Variants in SCAPER observed in about 807,000 individuals in gnomAD.
SCAPER encodes the protein S-phase cyclin A associated protein in the ER.
SCAPER carries 98 observed loss-of-function variants against 182.2 expected under a neutral mutation model. That is an observed-to-expected ratio of 0.54 (90% CI 0.46 to 0.64). SCAPER has a LOEUF of 0.64. SCAPER is among the 30% of genes least tolerant of loss of function. The probability of loss-of-function intolerance (pLI) is 0.00; values close to 1 mark genes in which losing one functional copy is unlikely to be tolerated. For missense variants in SCAPER, 1,432 were observed against 1,690.0 expected (o/e 0.85, Z 2.68); for synonymous variants, 605 against 564.6 (o/e 1.07, Z -1.01).
chr15:76,708,154 A>G (rs1489856505), intron 17 of SCAPER, among the ~76,000 whole-genome samples: 1 of 152,172 alleles, frequency 6.6e-6, no homozygotes, highest in Non-Finnish European at 1.5e-5. Context: ...ACATTCTCCC[A>G]TATATTTTAA....
At chr15:76,551,075 T>A (rs2045729029) in intron 23 of SCAPER, among the ~76,000 whole-genome samples, 1 of 152,096 alleles carries the variant, frequency 6.6e-6, no homozygotes, top group Non-Finnish European at 1.5e-5. Context: ...CTAACAGAGA[T>A]GTAGAGAAAT....
At position 76,436,939 on chromosome 15, in the gene SCAPER, C is replaced by T. The variant is rs137909053; in HGVS notation, c.3079-2629G>A. Among the ~76,000 whole-genome samples, 5 of 152,268 alleles carry T rather than the reference C, an allele frequency of 3.3e-5. No individual in the cohort carries two copies. In the East Asian group the frequency reaches 5.8e-4, roughly 18 times the overall value. On this transcript the variant is annotated intron_variant, in intron 25 of 31. Transcript: ENST00000563290. Reference sequence around the variant, plus strand: ...ACACAGAATGAAATCATATATCCTCCGCAAACCTGGAGTGTATAACATGGT... The same window carrying T: ...ACACAGAATGAAATCATATATCCTCTGCAAACCTGGAGTGTATAACATGGT...
rs113603668 is a variant in SCAPER at position 76,694,489 on chromosome 15, C to T, written c.2508+7269G>A. Among the ~76,000 whole-genome samples the T allele has an allele frequency of 1.5e-3, 230 of 151,970 alleles. 2 individuals are homozygous for T. The highest frequency in any genetic ancestry group is 4.9e-3 in the African/African-American group (203 of 41,478). ...TTATGTTGTGTACATTGAATGTGTA[C>T]AATTGAATATACACAATTTCTGTAA... On this transcript the variant is annotated intron_variant, in intron 20 of 31. Coordinates refer to ENST00000563290, the MANE Select transcript of SCAPER (RefSeq NM_020843.4).
intron 26 of SCAPER, among the ~76,000 whole-genome samples, chr15:76,428,366 G>T (rs1408987427): frequency 1.3e-5 from 2 of 152,158 alleles, no homozygotes; most frequent in African/African-American, 4.8e-5. Flanking sequence ...GTGTTCTTCA[G>T]TGGATTAAGG....
chr15:76,904,418 G>A (rs1386132428), intron 1 of SCAPER, among the ~76,000 whole-genome samples: 1 of 152,170 alleles, frequency 6.6e-6, no homozygotes, highest in Non-Finnish European at 1.5e-5. Context: ...TTAATGAATA[G>A]CTATTTTCAT....
chr15:76,780,871 C>T (rs2064080281), intron 8 of SCAPER, among the ~76,000 whole-genome samples: 1 of 152,154 alleles, frequency 6.6e-6, no homozygotes, highest in Admixed American at 6.5e-5. Context: ...CACCAAAACC[C>T]CATCTGTAGG....
intron 26 of SCAPER, among the ~76,000 whole-genome samples, chr15:76,427,733 GAC>G (rs2046537371): frequency 6.6e-6 from 1 of 152,044 alleles, no homozygotes. Context: ...AGGAGTTCTA[GAC>G]CAGCCTGGCC....
rs150204371 is a variant in SCAPER, at chr15:76,613,578, C to T, written c.2711+8186G>A. Among the ~76,000 whole-genome samples, 361 of 151,960 alleles carry T rather than the reference C, an allele frequency of 2.4e-3. 2 individuals are homozygous for T. Among genetic ancestry groups the T allele is most frequent in the African/African-American group, 8.2e-3 (338 of 41,440 alleles). ...CTTAAATTTACAAGAAAAAACAACC[C>T]GATTAAAAAGTGGGCAAAGGATATG... On this transcript the variant is annotated intron_variant, in intron 22 of 31. Transcript: ENST00000563290.
chr15:76,722,763 C>T (rs553354103), intron 17 of SCAPER, among the ~76,000 whole-genome samples: 2 of 152,024 alleles, frequency 1.3e-5, no homozygotes, highest in Non-Finnish European at 2.9e-5. Context: ...TCTGTGGGAT[C>T]GGTGGTGATA....
Position 76,389,735 on chromosome 15 carries a change from G to T in SCAPER, c.3468-8120C>A, listed in dbSNP as rs529465148. ...TGGGGGGCTAAGGCAGGAGAATGGC[G>T]TGAACCCAGGCGGTGGAGGCTGCAG... On this transcript the variant is annotated intron_variant, in intron 27 of 31. Transcript: ENST00000563290. Among the ~76,000 whole-genome samples the T allele has an allele frequency of 4.7e-5, 7 of 148,136 alleles. No individual in the cohort carries two copies. In the East Asian group the frequency reaches 1.4e-3, roughly 30 times the overall value.
chr15:76,522,879 A>G (rs1022651499), intron 23 of SCAPER, among the ~76,000 whole-genome samples: 3 of 152,078 alleles, frequency 2.0e-5, no homozygotes, highest in Non-Finnish European at 4.4e-5. Context: ...ATACAACTTC[A>G]TGTGATATGT....
At chr15:76,713,586 A>G (rs1015567829) in intron 17 of SCAPER, among the ~76,000 whole-genome samples, 26 of 151,704 alleles carry the variant, frequency 1.7e-4, no homozygotes, top group South Asian at 1.5e-3. Context: ...CAATGAGAAC[A>G]CATGGACACA....
At chr15:76,362,948 G>C (rs953611374) in intron 29 of SCAPER, among the ~76,000 whole-genome samples, 3 of 152,138 alleles carry the variant, frequency 2.0e-5, no homozygotes, top group Non-Finnish European at 4.4e-5. Flanking sequence ...GTTTTAGAAA[G>C]CTCTCCATAT....
At chr15:76,652,271 AAAATATAT>A (rs1321496587) in intron 21 of SCAPER, among the ~76,000 whole-genome samples, 3 of 15,354 alleles carry the variant, frequency 2.0e-4, no homozygotes, top group African/African-American at 6.9e-4. Context: ...AAAAAAAAAA[AAAATATAT>A]ATATATATAT....
At chr15:76,789,473 A>G (rs1487455999) in intron 8 of SCAPER, among the ~76,000 whole-genome samples, 2 of 152,198 alleles carry the variant, frequency 1.3e-5, no homozygotes, top group Non-Finnish European at 2.9e-5. Flanking sequence ...TTTAACCAAT[A>G]AAATTGCCAA....
At chr15:76,458,789 G>C (rs2048935595) in intron 25 of SCAPER, among the ~76,000 whole-genome samples, 1 of 152,052 alleles carries the variant, frequency 6.6e-6, no homozygotes, top group South Asian at 2.1e-4. Context: ...CTGTATGTTT[G>C]TACCCATCAA....
intron 24 of SCAPER, chr15:76,498,389 T>C (rs2040804484): frequency 6.6e-6 from 1 of 152,128 alleles, no homozygotes; most frequent in African/African-American, 2.4e-5. Context: ...GTAAGAGGAA[T>C]TGCATCAGCC....
chr15:76,787,855 A>G (rs868751292), intron 8 of SCAPER, among the ~76,000 whole-genome samples: 1 of 152,208 alleles, frequency 6.6e-6, no homozygotes. Flanking sequence ...AAAAAAAACT[A>G]ATCAATCATA....
intron 23 of SCAPER, among the ~76,000 whole-genome samples, chr15:76,562,909 T>A (rs1314450486): frequency 6.6e-6 from 1 of 152,090 alleles, no homozygotes; most frequent in Non-Finnish European, 1.5e-5. Flanking sequence ...GTAATGGAAA[T>A]AAAACTGTAT....
Sources: gnomAD v4.1 joint callset for allele counts (sites outside exome capture counted in the v4.1 genomes callset) on GRCh38, gnomAD v4.1.1 for gene constraint, MANE v1.5 for transcripts, NCBI Gene and HGNC (gene_info 2026-07-23, HGNC 2026-07-21) for gene names.